SPATC1L: variants seen among roughly 807,000 people sequenced by gnomAD.
The protein encoded by SPATC1L is spermatogenesis and centriole associated 1 like.
A neutral mutation model predicts 21.2 loss-of-function variants in SPATC1L; 20 were observed. The ratio of observed to expected loss-of-function variants is 0.94; its 90% CI spans 0.66 to 1.37. SPATC1L has a LOEUF of 1.37. Ranked by LOEUF, SPATC1L falls within the 40% of genes most tolerant of loss-of-function variation. The pLI is 0.00. For synonymous variants in SPATC1L, 290 were observed against 234.5 expected (o/e 1.24, Z -2.16); for missense variants, 499 against 478.7 (o/e 1.04, Z -0.40).
In SPATC1L at chr21:46,183,385, G is replaced by A. The variant is rs1284451848; in HGVS notation, c.-569C>T. 3 of 171,582 alleles carry A rather than the reference G, an allele frequency of 1.7e-5. No homozygotes were observed. The highest frequency in any genetic ancestry group is 5.8e-5 in the African/African-American group (2 of 34,222). 10.6% of individuals were successfully genotyped at this position (171,582 alleles called of 1,614,324 possible). On this transcript the variant is annotated 5_prime_UTR_variant, in exon 2 of 5. Transcript: ENST00000291672. The stretch of plus-strand genomic sequence containing the variant: ...CCCACACTTGAGGAGGGAGGGACTG[G>A]CAAGGGCAGTGGGAGGAGACCAGCA...
At position 46,161,999 on chromosome 21, in the gene SPATC1L, G is replaced by A. The variant is rs149067480; in HGVS notation, c.613C>T (p.Arg205Cys). Residue 205 changes from arginine to cysteine, a missense_variant, in exon 4 of 5, where the codon CGC becomes TGC. Arg to Cys is a radical substitution (Grantham distance 180). Coordinates refer to ENST00000291672, the MANE Select transcript of SPATC1L (RefSeq NM_001142854.2). ...VVGEIAFQLD[R>C]RILAYVFPGV... is the part of the protein sequence containing the mutation. The stretch of plus-strand genomic sequence containing the variant: ...GGGAACACGTAGGCCAGGATGCGGC[G>A]GTCCAGCTGGAAGGCGATCTCGCCC... 2.6e-5 allele frequency: 41 copies of A among 1,603,196 alleles called. No individual in the cohort carries two copies. Among genetic ancestry groups the A allele is most frequent in the African/African-American group, 5.3e-5 (4 of 74,852 alleles).
chr21:46,183,297 G>A lies in SPATC1L; in HGVS notation c.-481C>T, dbSNP rs2079692302. 5.9e-6 allele frequency: 1 copy of A among 169,318 alleles called. No individual in the cohort carries two copies. Among genetic ancestry groups the A allele is most frequent in the Admixed American group, 6.4e-5 (1 of 15,542 alleles). The allele number at this position is 169,318 out of a possible 1,614,324, so 10.5% of individuals were successfully genotyped here. A position where few individuals can be genotyped will look rare whatever the true frequency, so the allele number is the denominator to read the frequency against. The stretch of plus-strand genomic sequence containing the variant: ...CACAGGGTTCCCAGTGCAGCTTCCT[G>A]TGGACCCTGGCACCCAGGGCAGCAA... On this transcript the variant is annotated 5_prime_UTR_variant, in exon 2 of 5. An upstream open reading frame in the 5' UTR gains an earlier in-frame stop. Coordinates refer to ENST00000291672, the MANE Select transcript of SPATC1L (RefSeq NM_001142854.2).
intron 2 of SPATC1L, among the ~76,000 whole-genome samples, chr21:46,177,589 A>G (rs2079641750): frequency 6.6e-6 from 1 of 152,230 alleles, no homozygotes; most frequent in African/African-American, 2.4e-5. Flanking sequence ...GCTATAATTA[A>G]CAAGTCAAAA....
chr21:46,161,531 G>C lies in SPATC1L; in HGVS notation c.871C>G (p.Leu291Val), dbSNP rs754782891. The part of the protein sequence containing the change: ...TYGILKQRPD[L>V]RANPLHSSPA... ...CTGCTGTGCAGGGGGTTGGCGCGCA[G>C]GTCGGGCCGCTGCTTCAGGATTCCG... Residue 291 changes from leucine (L) to valine (V), a missense_variant, in exon 5 of 5, where the codon CTG becomes GTG. By Grantham distance (32) the Leu-to-Val change is conservative. Transcript: ENST00000291672. 15 of 1,610,454 alleles carry C rather than the reference G, an allele frequency of 9.3e-6. No individual in the cohort carries two copies. In the South Asian group the frequency reaches 1.2e-4, roughly 13 times the overall value.
chr21:46,180,703 T>C (rs985463342), intron 2 of SPATC1L, among the ~76,000 whole-genome samples: 1 of 152,094 alleles, frequency 6.6e-6, no homozygotes, highest in Non-Finnish European at 1.5e-5. Flanking sequence ...GCCCAGAGCA[T>C]TAAGGGTGCA....
intron 2 of SPATC1L, among the ~76,000 whole-genome samples, chr21:46,172,330 T>C (rs1569001493): frequency 6.6e-6 from 1 of 152,164 alleles, no homozygotes; most frequent in Admixed American, 6.5e-5. Context: ...AGGCAGGGTG[T>C]GCAGAACCCA....
At chr21:46,171,588 C>G (rs963125200) in intron 2 of SPATC1L, among the ~76,000 whole-genome samples, 1 of 151,872 alleles carries the variant, frequency 6.6e-6, no homozygotes, top group Non-Finnish European at 1.5e-5. Context: ...AGACCCCCCA[C>G]CCCAGACACT....
Position 46,161,227 on chromosome 21 carries a change from C to T in SPATC1L, c.*152G>A, listed in dbSNP as rs1180217481. The T allele has an allele frequency of 4.7e-6, 3 of 633,912 alleles. No homozygotes were observed. In the Admixed American group the frequency reaches 1.2e-4, roughly 25 times the overall value. 39.3% of individuals were successfully genotyped at this position (633,912 alleles called of 1,614,324 possible). A position where few individuals can be genotyped will look rare whatever the true frequency, so the allele number is the denominator to read the frequency against. ...GGTGCGGGCAGCGGCGGGCTGCGGT[C>T]GGGGCCCAGCACCGGTGGGAGCGGG... On this transcript the variant is annotated 3_prime_UTR_variant, in exon 5 of 5. Transcript: ENST00000291672.
chr21:46,182,912 G>A lies in SPATC1L; in HGVS notation c.-96C>T. On this transcript the variant is annotated 5_prime_UTR_variant, in exon 2 of 5. Transcript: ENST00000291672. The stretch of plus-strand genomic sequence containing the variant: ...GCACCACAGAAACAGCCCAGGCACG[G>A]AGTTCCGTAGCCACCACCGCCTTCC... 3.1e-6 allele frequency: 4 copies of A among 1,286,346 alleles called. No individual in the cohort carries two copies. The highest frequency in any genetic ancestry group is 4.1e-6 in the Non-Finnish European group (4 of 964,896). The allele number at this position is 1,286,346 out of a possible 1,614,324, so 79.7% of individuals were successfully genotyped here.
rs2079687904 is a variant in SPATC1L, at chr21:46,182,955, T to G, written c.-139A>C. ...CGCCTTCCACGCCTTGTGATGTCAC[T>G]GCCCTAGTGATGAGGTGCCCAGCAC... On this transcript the variant is annotated 5_prime_UTR_variant, in exon 2 of 5. Coordinates refer to ENST00000291672, the MANE Select transcript of SPATC1L (RefSeq NM_001142854.2). The G allele has an allele frequency of 1.1e-6, 1 of 885,104 alleles. No homozygotes were observed. The highest frequency in any genetic ancestry group is 1.7e-5 in the African/African-American group (1 of 58,252). The allele number at this position is 885,104 out of a possible 1,614,324, so 54.8% of individuals were successfully genotyped here. A position where few individuals can be genotyped will look rare whatever the true frequency, so the allele number is the denominator to read the frequency against.
At position 46,181,496 on chromosome 21, in the gene SPATC1L, A is replaced by G. The variant is rs533638479; in HGVS notation, c.193+1128T>C. ...GACACGCTCGCTCTCAGGCTTGTCC[A>G]TGGAGCTCCGAGCAGGGCCTGGGGC... On this transcript the variant is annotated intron_variant, in intron 2 of 4. Transcript: ENST00000291672. Among the ~76,000 whole-genome samples the G allele has an allele frequency of 7.2e-5, 11 of 152,288 alleles. No individual in the cohort carries two copies. The South Asian group carries it at 1.2e-3, about 17-fold the overall frequency.
intron 2 of SPATC1L, 99 bp downstream of exon 2, chr21:46,182,525 T>G (rs2123658504): frequency 8.6e-7 from 1 of 1,161,700 alleles, no homozygotes; most frequent in Admixed American, 3.0e-5. Context: ...GCCCGTGACC[T>G]CCCGCATCAG....
At chr21:46,171,242 G>A (rs2839131) in intron 2 of SPATC1L, among the ~76,000 whole-genome samples, 41,603 of 152,146 alleles carry the variant, frequency 0.27, 6,988 homozygotes, top group African/African-American at 0.46. Flanking sequence ...TGCCTTTATG[G>A]CTTATGAAAT....
intron 2 of SPATC1L, among the ~76,000 whole-genome samples, chr21:46,179,202 A>G (rs557761722): frequency 1.3e-5 from 2 of 150,278 alleles, no homozygotes; most frequent in South Asian, 2.1e-4. Context: ...AGTCATGATC[A>G]TTGCCACTGC....
intron 2 of SPATC1L, among the ~76,000 whole-genome samples, chr21:46,178,256 A>C (rs1477280241): frequency 6.8e-6 from 1 of 147,974 alleles, no homozygotes; most frequent in Non-Finnish European, 1.5e-5. Context: ...AAAAAAAAAA[A>C]CCAGAATGAG....
At chr21:46,164,163 A>C in intron 3 of SPATC1L, among the ~76,000 whole-genome samples, 1 of 152,028 alleles carries the variant, frequency 6.6e-6, no homozygotes, top group African/African-American at 2.4e-5. Flanking sequence ...ATGCACCACC[A>C]CGACCAGCTA....
chr21:46,179,757 G>A (rs1020979136), intron 2 of SPATC1L, among the ~76,000 whole-genome samples: 2 of 152,226 alleles, frequency 1.3e-5, no homozygotes, highest in Admixed American at 6.5e-5. Flanking sequence ...GAGACACGGC[G>A]AGTGGCATCG....
At chr21:46,170,215 T>C (rs185263773) in intron 2 of SPATC1L, among the ~76,000 whole-genome samples, 2,705 of 113,582 alleles carry the variant, frequency 0.024, no homozygotes, top group East Asian at 0.048. Flanking sequence ...CCCCCTGCTC[T>C]GTGAACATCC....
chr21:46,169,125 G>A (rs976191393), intron 2 of SPATC1L, among the ~76,000 whole-genome samples: 1 of 152,260 alleles, frequency 6.6e-6, no homozygotes, highest in Admixed American at 6.5e-5. Context: ...CTGTACACAT[G>A]AGCACACATA....
Sources: allele counts gnomAD v4.1 joint callset (sites outside exome capture counted in the v4.1 genomes callset), GRCh38; gene constraint gnomAD v4.1.1; transcripts MANE v1.5; gene names NCBI Gene and HGNC (gene_info 2026-07-23, HGNC 2026-07-21).